Variants in MMS22L observed in about 807,000 individuals in gnomAD.
The protein encoded by MMS22L is MMS22 like, DNA repair protein.
Under a neutral mutation model 159.1 loss-of-function variants are expected in MMS22L, and 74 were observed. The ratio of observed to expected loss-of-function variants is 0.47; its 90% CI spans 0.39 to 0.56. MMS22L has a LOEUF of 0.56. Ranked by LOEUF, MMS22L falls within the 20% of genes least tolerant of loss-of-function variation. MMS22L has a pLI of 0.00. For missense variants in MMS22L, 1,351 were observed against 1,422.1 expected, an observed-to-expected ratio of 0.95 and a Z score of 0.80; for synonymous variants, 517 against 506.9, an observed-to-expected ratio of 1.02 and a Z score of -0.27.
chr6:97,194,489 CCAAA>C (rs1279563855), intron 14 of MMS22L, among the ~76,000 whole-genome samples: 1 of 152,050 alleles, frequency 6.6e-6, no homozygotes, highest in Non-Finnish European at 1.5e-5. Flanking sequence ...TTAATAAAGG[CCAAA>C]CACTTAGAAT....
chr6:97,215,061 CTGAT>C (rs908620544), intron 14 of MMS22L, among the ~76,000 whole-genome samples: 2 of 147,968 alleles, frequency 1.4e-5, no homozygotes, highest in African/African-American at 5.0e-5. Context: ...TTCCCAATTT[CTGAT>C]TTTTTTCACA....
At chr6:97,249,734 T>TA (rs1813045927) in intron 10 of MMS22L, among the ~76,000 whole-genome samples, 1 of 151,282 alleles carries the variant, frequency 6.6e-6, no homozygotes, top group African/African-American at 2.4e-5. Flanking sequence ...AATTTTTTTT[T>TA]TTTTTTTTTT....
chr6:97,214,155 T>C (rs768087703), intron 14 of MMS22L, among the ~76,000 whole-genome samples: 4 of 152,210 alleles, frequency 2.6e-5, no homozygotes, highest in Non-Finnish European at 5.9e-5. Flanking sequence ...CAAAGCCTCA[T>C]TTACACTGCT....
chr6:97,148,153 C>T (rs1406432821), intron 24 of MMS22L, among the ~76,000 whole-genome samples: 1 of 152,024 alleles, frequency 6.6e-6, no homozygotes, highest in African/African-American at 2.4e-5. Flanking sequence ...TAGTGTAATG[C>T]CTTACTCGTG....
chr6:97,174,858 T>C (rs924149956), intron 18 of MMS22L, among the ~76,000 whole-genome samples: 7 of 152,150 alleles, frequency 4.6e-5, no homozygotes, highest in Non-Finnish European at 8.8e-5. Flanking sequence ...GACAATAAAA[T>C]GTGAAATGAA....
At chr6:97,231,838 T>G (rs1277242743) in intron 12 of MMS22L, among the ~76,000 whole-genome samples, 186 bp from the exon 13 acceptor site, 1 of 152,180 alleles carries the variant, frequency 6.6e-6, no homozygotes, top group Non-Finnish European at 1.5e-5. Context: ...GGTGTCCAAA[T>G]TTTGGATTGT....
intron 11 of MMS22L, among the ~76,000 whole-genome samples, chr6:97,242,328 G>C (rs906924148): frequency 6.6e-6 from 1 of 152,078 alleles, no homozygotes; most frequent in African/African-American, 2.4e-5. Flanking sequence ...TCTTCTGTTG[G>C]ATACTTTTAT....
At chr6:97,147,166 G>A (rs1310139229) in intron 24 of MMS22L, among the ~76,000 whole-genome samples, 2 of 151,994 alleles carry the variant, frequency 1.3e-5, no homozygotes, top group Non-Finnish European at 2.9e-5. Flanking sequence ...TAATGCTCAC[G>A]GGTAATAAAA....
chr6:97,175,896 C>T (rs1390447626), intron 18 of MMS22L, among the ~76,000 whole-genome samples: 2 of 152,146 alleles, frequency 1.3e-5, no homozygotes, highest in African/African-American at 2.4e-5. Context: ...GTCTGAATAA[C>T]CATACTTTGT....
At chr6:97,195,026 G>A (rs900973968) in intron 14 of MMS22L, among the ~76,000 whole-genome samples, 1 of 152,122 alleles carries the variant, frequency 6.6e-6, no homozygotes, top group African/African-American at 2.4e-5. Flanking sequence ...TGAGCTTTAT[G>A]TATAAAAAAG....
chr6:97,256,877 G>T (rs1813874628), intron 9 of MMS22L, among the ~76,000 whole-genome samples: 1 of 152,142 alleles, frequency 6.6e-6, no homozygotes, highest in Non-Finnish European at 1.5e-5. Flanking sequence ...AGTTCAACAG[G>T]TTGAGGCTGC....
intron 21 of MMS22L, among the ~76,000 whole-genome samples, chr6:97,163,611 T>C (rs1802667640): frequency 6.6e-6 from 1 of 152,116 alleles, no homozygotes; most frequent in Non-Finnish European, 1.5e-5. Context: ...TAATTACTTA[T>C]GCAATATCTC....
chr6:97,231,508 T>A lies in MMS22L; in HGVS notation c.1447A>T (p.Ile483Phe), dbSNP rs577606219. The change falls in exon 13 of 25, where the codon ATT becomes TTT. Residue 483 changes from isoleucine to phenylalanine, a missense_variant. Physicochemically the swap from Ile to Phe is conservative, Grantham distance 21 (BLOSUM62 0). Transcript: ENST00000683635. ...ACTTTTGCCAGAATACAAAGAAAAA[T>A]AGTATAACTACTGCTGGATTTATAT... ...ELYKSSSSYT[I>F]FLCILAKVVK... 2 of 1,613,710 alleles carry A rather than the reference T, an allele frequency of 1.2e-6. No homozygotes were observed. The highest frequency in any genetic ancestry group is 1.7e-6 in the Non-Finnish European group (2 of 1,179,814).
At chr6:97,283,390 A>G (rs578165892), upstream of MMS22L, 4 of 116,660 alleles carry the variant, frequency 3.4e-5, no homozygotes, top group East Asian at 4.1e-4. Flanking sequence ...GGGGCCTGGT[A>G]AAAAAAAAAA....
At chr6:97,231,684 A>C in intron 12 of MMS22L, 32 bp from the exon 13 acceptor site, 1 of 1,453,084 alleles carries the variant, frequency 6.9e-7, no homozygotes, top group Non-Finnish European at 9.6e-7. Context: ...ATAGAAAACA[A>C]TTATTAGTCT....
chr6:97,226,970 G>T (rs1271003009), intron 14 of MMS22L, among the ~76,000 whole-genome samples: 2 of 152,110 alleles, frequency 1.3e-5, no homozygotes, highest in African/African-American at 4.8e-5. Flanking sequence ...ACTCCCAGTT[G>T]AGAACTACTG....
intron 20 of MMS22L, among the ~76,000 whole-genome samples, chr6:97,166,464 T>C (rs1028511201): frequency 2.6e-5 from 4 of 152,098 alleles, no homozygotes; most frequent in African/African-American, 7.2e-5. Flanking sequence ...AAAAATAGCA[T>C]ACAGCTGTTA....
chr6:97,173,319 C>T, intron 18 of MMS22L, 97 bp from the exon 19 acceptor site: 1 of 1,078,874 alleles, frequency 9.3e-7, no homozygotes, highest in Non-Finnish European at 1.3e-6. Context: ...TACATACGCA[C>T]CCATACCCTT....
At chr6:97,220,913 T>C (rs1324083676) in intron 14 of MMS22L, among the ~76,000 whole-genome samples, 2 of 151,008 alleles carry the variant, frequency 1.3e-5, no homozygotes, top group East Asian at 3.9e-4. Flanking sequence ...GCTAGAAGTA[T>C]TATATTAAGA....
Sources: allele counts gnomAD v4.1 joint callset (sites outside exome capture counted in the v4.1 genomes callset), GRCh38; gene constraint gnomAD v4.1.1; transcripts MANE v1.5; gene names NCBI Gene and HGNC (gene_info 2026-07-23, HGNC 2026-07-21).